The following OPCML variants were observed in gnomAD, a reference collection of about 807,000 sequenced individuals.
OPCML encodes the protein opioid binding protein/cell adhesion molecule like.
OPCML carries 13 observed loss-of-function variants against 37.8 expected under a neutral mutation model. The observed-to-expected ratio is 0.34, with a 90% CI of 0.22 to 0.55. The LOEUF (loss-of-function observed/expected upper bound fraction) is 0.55. OPCML is among the 20% of genes least tolerant of loss of function. The probability of loss-of-function intolerance (pLI) is 0.91; values close to 1 mark genes in which losing one functional copy is unlikely to be tolerated. For missense variants in OPCML, 341 were observed against 435.6 expected (o/e 0.78, Z 1.93); for synonymous variants, 176 against 168.8 (o/e 1.04, Z -0.33).
chr11:133,020,554 A>T (rs1377756253), intron 1 of OPCML, among the ~76,000 whole-genome samples: 1 of 152,138 alleles, frequency 6.6e-6, no homozygotes, highest in Non-Finnish European at 1.5e-5. Context: ...ATCTCTCCTG[A>T]GCTGTCTGTA....
intron 3 of OPCML, among the ~76,000 whole-genome samples, chr11:132,635,821 T>G (rs1940457347): frequency 6.6e-6 from 1 of 152,186 alleles, no homozygotes; most frequent in African/African-American, 2.4e-5. Context: ...AAGGTAATCA[T>G]GATCATAAGT....
intron 3 of OPCML, among the ~76,000 whole-genome samples, chr11:132,543,704 G>C (rs2096362493): frequency 6.6e-6 from 1 of 151,912 alleles, no homozygotes; most frequent in African/African-American, 2.4e-5. Flanking sequence ...ACACAGTAAT[G>C]GTTCTTTATA....
chr11:132,483,903 T>C (rs1487882736), intron 4 of OPCML, among the ~76,000 whole-genome samples: 7 of 151,970 alleles, frequency 4.6e-5, no homozygotes, highest in Admixed American at 3.3e-4. Context: ...TTACACCTTA[T>C]ACAAAAATCA....
chr11:132,564,296 G>T (rs2096417329), intron 3 of OPCML, among the ~76,000 whole-genome samples: 1 of 152,168 alleles, frequency 6.6e-6, no homozygotes, highest in African/African-American at 2.4e-5. Flanking sequence ...TGCTGAGGTG[G>T]CACTTGACAG....
At chr11:133,096,087 GT>G (rs1320706971) in intron 1 of OPCML, among the ~76,000 whole-genome samples, 1 of 151,340 alleles carries the variant, frequency 6.6e-6, no homozygotes, top group African/African-American at 2.4e-5. Flanking sequence ...AACAGATTAT[GT>G]TTTTTTCAAA....
At chr11:132,548,486 C>T (rs1001313336) in intron 3 of OPCML, among the ~76,000 whole-genome samples, 1 of 152,160 alleles carries the variant, frequency 6.6e-6, no homozygotes, top group Non-Finnish European at 1.5e-5. Context: ...CGTTCATCTG[C>T]TCATTTCCCT....
In OPCML at chr11:133,208,070, C is replaced by T. The variant is rs1225214672; in HGVS notation, c.62-265060G>A. ...GTTAAGAGCTCCTTACTCTGAGCTC[C>T]CATAGCATTATTTTTTTCTCTCTTC... On this transcript the variant is annotated intron_variant, in intron 1 of 7. Transcript: ENST00000524381. This position sits in a 1 kb window ranked among gnomAD's most constrained non-coding sequence, Gnocchi z 8.9. Among the ~76,000 whole-genome samples, 1 of 152,042 alleles carries T rather than the reference C, an allele frequency of 6.6e-6. No individual in the cohort carries two copies. The highest frequency in any genetic ancestry group is 1.5e-5 in the Non-Finnish European group (1 of 68,016).
At chr11:133,114,666 T>A (rs1254057873) in intron 1 of OPCML, among the ~76,000 whole-genome samples, 1 of 152,154 alleles carries the variant, frequency 6.6e-6, no homozygotes. Flanking sequence ...TTACAAGGCA[T>A]AAGATCCAGA....
intron 1 of OPCML, among the ~76,000 whole-genome samples, chr11:133,183,200 C>T (rs1049249853): frequency 1.2e-4 from 19 of 152,164 alleles, no homozygotes; most frequent in Admixed American, 1.0e-3. Context: ...GGAATAAAAT[C>T]TGTTTTTAGC....
chr11:133,036,983 C>T (rs1947794833), intron 1 of OPCML, among the ~76,000 whole-genome samples: 1 of 152,156 alleles, frequency 6.6e-6, no homozygotes, highest in Non-Finnish European at 1.5e-5. Flanking sequence ...CCTTGGTCCT[C>T]CCTCCCCACA....
intron 2 of OPCML, among the ~76,000 whole-genome samples, chr11:132,797,347 T>G (rs1161708696): frequency 6.6e-6 from 1 of 152,214 alleles, no homozygotes; most frequent in Non-Finnish European, 1.5e-5. Flanking sequence ...CCCATCCCAT[T>G]TTTTGTAAAG....
chr11:132,719,549 G>A (rs1400126479), intron 2 of OPCML, among the ~76,000 whole-genome samples: 1 of 152,182 alleles, frequency 6.6e-6, no homozygotes, highest in Non-Finnish European at 1.5e-5. Flanking sequence ...ATGTCTGTGT[G>A]CTGCGGCCAG....
intron 1 of OPCML, among the ~76,000 whole-genome samples, chr11:133,376,662 A>AT (rs1944811494): frequency 6.6e-6 from 1 of 152,314 alleles, no homozygotes; most frequent in African/African-American, 2.4e-5. Context: ...TATATGAGCT[A>AT]TTTTTAGTCT....
intron 1 of OPCML, among the ~76,000 whole-genome samples, chr11:133,152,715 C>T (rs1345935082): frequency 6.6e-6 from 1 of 151,950 alleles, no homozygotes; most frequent in Non-Finnish European, 1.5e-5. Context: ...CTACCTAGGC[C>T]CCTCATTTTC....
intron 1 of OPCML, among the ~76,000 whole-genome samples, chr11:133,042,056 C>A (rs1192205467): frequency 6.6e-6 from 1 of 152,256 alleles, no homozygotes; most frequent in East Asian, 1.9e-4. Flanking sequence ...GTGGGGGGAG[C>A]CTGCTTATTC....
chr11:132,983,877 G>T (rs1171777157), intron 1 of OPCML, among the ~76,000 whole-genome samples: 2 of 152,170 alleles, frequency 1.3e-5, no homozygotes, highest in Non-Finnish European at 2.9e-5. Flanking sequence ...AACAAAGAAA[G>T]AGATTAAAGA....
chr11:132,630,368 G>T (rs1037630979), intron 3 of OPCML, among the ~76,000 whole-genome samples: 2 of 152,176 alleles, frequency 1.3e-5, no homozygotes, highest in African/African-American at 4.8e-5. Context: ...GACCATCCTG[G>T]CCAATATGGT....
chr11:133,158,773 T>A (rs1042082215), intron 1 of OPCML, among the ~76,000 whole-genome samples: 5 of 146,076 alleles, frequency 3.4e-5, no homozygotes, highest in East Asian at 2.0e-4. Flanking sequence ...TTAAAAAAAA[T>A]TTCTAGGAGG....
chr11:133,532,096 A>AGT (rs888620272), intron 1 of OPCML, 168 bp downstream of exon 1: 71 of 646,186 alleles, frequency 1.1e-4, no homozygotes, highest in South Asian at 2.1e-4. Flanking sequence ...TGAGCGAGTG[A>AGT]GTGTGTGTGT....
Sources: gnomAD v4.1 joint callset for allele counts (sites outside exome capture counted in the v4.1 genomes callset) on GRCh38, gnomAD v4.1.1 for gene constraint, Gnocchi (gnomAD v3.1) non-coding constraint, MANE v1.5 for transcripts, NCBI Gene and HGNC (gene_info 2026-07-23, HGNC 2026-07-21) for gene names.